The following HS1BP3 variants were observed in gnomAD, a reference collection of about 807,000 sequenced individuals.
HS1BP3 encodes the protein HCLS1 binding protein 3.
HS1BP3 carries 32 observed loss-of-function variants against 33.5 expected under a neutral mutation model. That is an observed-to-expected ratio of 0.95 (90% confidence interval 0.72 to 1.28). The LOEUF is 1.28. Among genes scored for constraint, HS1BP3 ranks in the 50% most tolerant of loss-of-function variants. The probability of loss-of-function intolerance (pLI) is 0.00; values close to 1 mark genes in which losing one functional copy is unlikely to be tolerated. For synonymous variants in HS1BP3, 187 were observed against 209.2 expected, an observed-to-expected ratio of 0.89 and a Z score of 0.92; for missense variants, 486 against 502.3, an observed-to-expected ratio of 0.97 and a Z score of 0.31.
downstream of HS1BP3, among the ~76,000 whole-genome samples, chr2:20,559,620 A>G (rs925135572): frequency 2.6e-4 from 38 of 145,026 alleles, no homozygotes; most frequent in African/African-American, 8.7e-4. Context: ...GGATGAATGG[A>G]TGGGTGGATG....
chr2:20,568,930 T>C (rs1693200932), intron 5 of HS1BP3, among the ~76,000 whole-genome samples: 1 of 152,200 alleles, frequency 6.6e-6, no homozygotes, highest in African/African-American at 2.4e-5. Flanking sequence ...GCCGTCTTGG[T>C]CACTCCAAAG....
rs561472688 is a variant in HS1BP3, at chr2:20,628,179, C to A, written c.624-3287G>T. ...CTTCCCTCGTGGGCACCTTTGATGG[C>A]GAGCACTCACTGAGAACCTCCCACC... On this transcript the variant is annotated intron_variant, in intron 4 of 6. Transcript: ENST00000304031. Among the ~76,000 whole-genome samples, 62 of 152,206 alleles carry A rather than the reference C, an allele frequency of 4.1e-4. No individual in the cohort carries two copies. The South Asian group carries it at 0.013, about 31-fold the overall frequency.
chr2:20,554,833 G>C, the HS1BP3 span, among the ~76,000 whole-genome samples: 1 of 152,134 alleles, frequency 6.6e-6, no homozygotes, highest in East Asian at 1.9e-4. Flanking sequence ...TTACCTTAGA[G>C]TGCTTCTTTG....
At chr2:20,564,339 C>G (rs961875031) in intron 5 of HS1BP3, among the ~76,000 whole-genome samples, 1 of 152,244 alleles carries the variant, frequency 6.6e-6, no homozygotes, top group Non-Finnish European at 1.5e-5. Flanking sequence ...AAGCTGCCTC[C>G]GTGGCCCCAG....
chr2:20,628,703 G>C (rs1694871898), intron 4 of HS1BP3, among the ~76,000 whole-genome samples: 1 of 152,188 alleles, frequency 6.6e-6, no homozygotes, highest in African/African-American at 2.4e-5. Context: ...GAGCACAGAG[G>C]ACAGAGCCAA....
chr2:20,615,368 C>T (rs982487489), downstream of HS1BP3, among the ~76,000 whole-genome samples: 3 of 152,242 alleles, frequency 2.0e-5, no homozygotes, highest in Non-Finnish European at 4.4e-5. Context: ...GCTCCTCCAC[C>T]GGCCCCTGGA....
At chr2:20,641,808 CCAGCGGCTGACTCCCGCTGCCTCCTT>C (rs1400394855) in intron 2 of HS1BP3, among the ~76,000 whole-genome samples, 6 of 152,210 alleles carry the variant, frequency 3.9e-5, no homozygotes, top group Admixed American at 6.5e-5. Flanking sequence ...TCCCGTGGGG[CCAGCGGCTGACTCCCGCTGCCTCCTT>C]GGCCTCTCCC....
intron 5 of HS1BP3, among the ~76,000 whole-genome samples, chr2:20,562,372 G>C (rs1435848): frequency 0.016 from 2,385 of 152,272 alleles, 32 homozygotes; most frequent in South Asian, 0.055. Flanking sequence ...CCAGCTGCTT[G>C]GGAGGCTGAG....
chr2:20,610,694 A>G (rs1184647982), intron 2 of HS1BP3, among the ~76,000 whole-genome samples: 1 of 152,242 alleles, frequency 6.6e-6, no homozygotes, highest in Non-Finnish European at 1.5e-5. Flanking sequence ...GCATCCATGT[A>G]CAGATTTTTG....
chr2:20,640,708 A>C (rs1695312351), intron 3 of HS1BP3: 1 of 592,478 alleles, frequency 1.7e-6, no homozygotes, highest in Admixed American at 3.0e-5. Context: ...GGGGCTGGCC[A>C]GGAAGGCCAT....
At chr2:20,572,249 G>A (rs1693292663) in intron 5 of HS1BP3, among the ~76,000 whole-genome samples, 1 of 152,198 alleles carries the variant, frequency 6.6e-6, no homozygotes, top group African/African-American at 2.4e-5. Flanking sequence ...AGGCTCTGCT[G>A]CCTCCTTCCA....
intron 5 of HS1BP3, among the ~76,000 whole-genome samples, chr2:20,578,777 C>T (rs752526922): frequency 6.6e-6 from 1 of 152,182 alleles, no homozygotes; most frequent in Non-Finnish European, 1.5e-5. Context: ...GAAACTGAGG[C>T]TCAGAATGGG....
intron 5 of HS1BP3, among the ~76,000 whole-genome samples, chr2:20,585,051 C>G (rs907337906): frequency 6.6e-6 from 1 of 152,198 alleles, no homozygotes; most frequent in African/African-American, 2.4e-5. Flanking sequence ...CTTGCTCCCT[C>G]ATCACCTCCT....
intron 6 of HS1BP3, among the ~76,000 whole-genome samples, chr2:20,621,786 G>A (rs1432886741): frequency 5.9e-5 from 9 of 152,234 alleles, no homozygotes; most frequent in Admixed American, 5.2e-4. Context: ...TGGTGTACAC[G>A]GGTGGTCAGC....
At chr2:20,596,686 C>G (rs1693950106) in intron 3 of HS1BP3, among the ~76,000 whole-genome samples, 1 of 152,144 alleles carries the variant, frequency 6.6e-6, no homozygotes, top group Admixed American at 6.5e-5. Context: ...TTCCCCCCAC[C>G]CACATACATG....
chr2:20,617,602 G>A (rs35755927), downstream of HS1BP3, among the ~76,000 whole-genome samples: 35,612 of 151,938 alleles, frequency 0.23, 4,935 homozygotes, highest in Non-Finnish European at 0.32. Flanking sequence ...CAAACCACCC[G>A]CACCATCAGC....
At chr2:20,592,097 T>C (rs1043533130), downstream of HS1BP3, among the ~76,000 whole-genome samples, 1 of 152,044 alleles carries the variant, frequency 6.6e-6, no homozygotes, top group Non-Finnish European at 1.5e-5. Context: ...GGAGGACACC[T>C]CCCTTGGTCA....
chr2:20,591,634 C>T (rs899409085), downstream of HS1BP3, among the ~76,000 whole-genome samples: 5 of 152,182 alleles, frequency 3.3e-5, no homozygotes, highest in East Asian at 1.9e-4. Context: ...TACAGTGGCG[C>T]GATCTTGGCT....
Position 20,618,730 on chromosome 2 carries a change from C to T in HS1BP3, c.*257G>A. ...AAGGCATCCCCACACCCTCCCTCCCCTTCATGTCCACGGGGAATAAGACAC... is the reference window on the plus strand; with the variant it reads ...AAGGCATCCCCACACCCTCCCTCCCTTTCATGTCCACGGGGAATAAGACAC... On this transcript the variant is annotated 3_prime_UTR_variant, in exon 7 of 7. Coordinates refer to ENST00000304031, the MANE Select transcript of HS1BP3 (RefSeq NM_022460.4). The T allele has an allele frequency of 7.7e-7, 1 of 1,299,388 alleles. No homozygotes were observed. The highest frequency in any genetic ancestry group is 9.8e-7 in the Non-Finnish European group (1 of 1,024,276). The allele number at this position is 1,299,388 out of a possible 1,614,324, so 80.5% of individuals were successfully genotyped here.
Sources: allele counts gnomAD v4.1 joint callset (sites outside exome capture counted in the v4.1 genomes callset), GRCh38; gene constraint gnomAD v4.1.1; transcripts MANE v1.5; gene names NCBI Gene and HGNC (gene_info 2026-07-23, HGNC 2026-07-21).